PARP8: variants seen among roughly 807,000 people sequenced by gnomAD.
The protein encoded by PARP8 is protein mono-ADP-ribosyltransferase PARP8.
A neutral mutation model predicts 124.1 loss-of-function variants in PARP8; 51 were observed. The ratio of observed to expected loss-of-function variants is 0.41; its 90% CI spans 0.33 to 0.52. The LOEUF (loss-of-function observed/expected upper bound fraction) is 0.52, where lower values mean the gene tolerates loss of function less well. Ranked by LOEUF, PARP8 falls within the 20% of genes least tolerant of loss-of-function variation. The pLI is 0.21. For synonymous variants in PARP8, 391 were observed against 361.5 expected, an observed-to-expected ratio of 1.08 and a Z score of -0.93; for missense variants, 860 against 1,018.9, an observed-to-expected ratio of 0.84 and a Z score of 2.12.
chr5:50,805,737 T>A lies in PARP8; in HGVS notation c.1575+8504T>A, dbSNP rs544782730. Among the ~76,000 whole-genome samples the A allele has an allele frequency of 2.0e-5, 3 of 152,228 alleles. No homozygotes were observed. In the East Asian group the frequency reaches 5.8e-4, roughly 29 times the overall value. On this transcript the variant is annotated intron_variant, in intron 14 of 25. Transcript: ENST00000281631. ...GTCTTGTAGCCATTTAAGAACACAATCATCTGTCAGATATTTTATTTTATT... is the reference window on the plus strand; with the variant it reads ...GTCTTGTAGCCATTTAAGAACACAAACATCTGTCAGATATTTTATTTTATT...
At position 50,732,388 on chromosome 5, in the gene PARP8, T is replaced by C. The variant is rs540970137; in HGVS notation, c.147-17763T>C. Among the ~76,000 whole-genome samples the C allele has an allele frequency of 1.8e-3, 275 of 152,340 alleles. 1 individual carries two copies. The highest frequency in any genetic ancestry group is 6.8e-3 in the Middle Eastern group (2 of 294). On this transcript the variant is annotated intron_variant, in intron 2 of 25. Coordinates refer to ENST00000281631, the MANE Select transcript of PARP8 (RefSeq NM_024615.4). ...AATTTTTAAAACCAGTTTTAAGTTA[T>C]AAATGCAAACAATATTTTGTAATAT...
rs1013711402 is a variant in PARP8, at chr5:50,846,299, ATTTAGCC to A, written c.*4235_*4241del. The stretch of plus-strand genomic sequence containing the variant: ...GCACAGGATAGTATTGCAACCTGCT[ATTTAGCC>A]TTTGGTGCCTTAGAATTATTATAAA... On this transcript the variant is annotated 3_prime_UTR_variant, in exon 26 of 26. Transcript: ENST00000281631. 1.3e-5 allele frequency: 2 copies of A among 151,754 alleles called. No individual in the cohort carries two copies. The highest frequency in any genetic ancestry group is 4.8e-5 in the African/African-American group (2 of 41,394). 9.4% of individuals were successfully genotyped at this position (151,754 alleles called of 1,614,324 possible).
intron 2 of PARP8, among the ~76,000 whole-genome samples, chr5:50,702,403 C>T (rs1293041416): frequency 6.6e-6 from 1 of 152,124 alleles, no homozygotes; most frequent in Non-Finnish European, 1.5e-5. Flanking sequence ...TAGAAACTAT[C>T]ACCTTTAATC....
intron 2 of PARP8, among the ~76,000 whole-genome samples, chr5:50,708,247 C>A (rs1189364683): frequency 6.6e-6 from 1 of 151,982 alleles, no homozygotes; most frequent in Non-Finnish European, 1.5e-5. Flanking sequence ...CTTCCCAGAG[C>A]TCTCCTTTTT....
Position 50,844,480 on chromosome 5 carries a change from G to A in PARP8, c.*2412G>A, listed in dbSNP as rs543446892. 6.6e-6 allele frequency: 1 copy of A among 151,792 alleles called. No homozygotes were observed. Among genetic ancestry groups the A allele is most frequent in the Admixed American group, 6.6e-5 (1 of 15,204 alleles). The allele number at this position is 151,792 out of a possible 1,614,324, so 9.4% of individuals were successfully genotyped here. A position where few individuals can be genotyped will look rare whatever the true frequency, so the allele number is the denominator to read the frequency against. On this transcript the variant is annotated 3_prime_UTR_variant, in exon 26 of 26. Transcript: ENST00000281631. ...AAATGTGCTTCCAAAATCCAAGCAG[G>A]TCCATACAATTTAGAGATTTGAACA...
intron 2 of PARP8, among the ~76,000 whole-genome samples, chr5:50,723,737 A>G (rs936693299): frequency 6.6e-6 from 1 of 152,128 alleles, no homozygotes; most frequent in Non-Finnish European, 1.5e-5. Context: ...TTAGTAAGGA[A>G]TATTTTCAGA....
chr5:50,801,439 G>T (rs1192623715), intron 14 of PARP8, among the ~76,000 whole-genome samples: 1 of 152,108 alleles, frequency 6.6e-6, no homozygotes, highest in Non-Finnish European at 1.5e-5. Flanking sequence ...GTGATAGTTT[G>T]TGCTTTTAGA....
At chr5:50,702,971 G>A (rs1450689439) in intron 2 of PARP8, among the ~76,000 whole-genome samples, 1 of 152,146 alleles carries the variant, frequency 6.6e-6, no homozygotes, top group African/African-American at 2.4e-5. Context: ...AGCAGACAGA[G>A]AGTTGTACAA....
intron 2 of PARP8, among the ~76,000 whole-genome samples, chr5:50,669,938 C>A (rs6450308): frequency 0.022 from 3,416 of 152,266 alleles, 127 homozygotes; most frequent in African/African-American, 0.078. Flanking sequence ...AAGAGAAAGA[C>A]AATTGGTTAA....
intron 2 of PARP8, among the ~76,000 whole-genome samples, chr5:50,723,247 C>G (rs1265973871): frequency 1.3e-5 from 2 of 152,070 alleles, no homozygotes; most frequent in Non-Finnish European, 2.9e-5. Context: ...ACAAAACTCA[C>G]TCCAGAATTC....
chr5:50,761,850 A>C lies in PARP8; in HGVS notation c.375A>C (p.Glu125Asp). The change falls in exon 6 of 26, where the codon GAA becomes GAC. Residue 125 changes from glutamate to aspartate, a missense_variant. This residue lies in a region of PARP8 where 517 missense variants were observed against 544.2 expected (regional missense o/e 0.95). Transcript: ENST00000281631. ...EESRQNSTVE[E>D]DSEGDNDSEE... ...CAAGACAGAATAGTACAGTGGAGGA[A>C]GATTCTGAAGGTGACAATGATTCCG... is the stretch of plus-strand genomic sequence containing the variant. 2 of 1,603,740 alleles carry C rather than the reference A, an allele frequency of 1.2e-6. No homozygotes were observed. The highest frequency in any genetic ancestry group is 1.7e-6 in the Non-Finnish European group (2 of 1,173,104).
Position 50,845,018 on chromosome 5 carries a change from A to G in PARP8, c.*2950A>G, listed in dbSNP as rs1748512551. On this transcript the variant is annotated 3_prime_UTR_variant, in exon 26 of 26. Transcript: ENST00000281631. ...TTTTTTAATTTGAAGTTTAATTTTA[A>G]AAGTGCCACATTGTAAAAGTTACCG... is the stretch of plus-strand genomic sequence containing the variant. 1 of 151,416 alleles carries G rather than the reference A, an allele frequency of 6.6e-6. No homozygotes were observed. The highest frequency in any genetic ancestry group is 6.6e-5 in the Admixed American group (1 of 15,148). 9.4% of individuals were successfully genotyped at this position (151,416 alleles called of 1,614,324 possible). A position where few individuals can be genotyped will look rare whatever the true frequency, so the allele number is the denominator to read the frequency against.
At chr5:50,782,959 G>A (rs959563711) in intron 9 of PARP8, among the ~76,000 whole-genome samples, 2 of 152,136 alleles carry the variant, frequency 1.3e-5, no homozygotes, top group East Asian at 1.9e-4. Context: ...GGAATGACAC[G>A]GGAAAGGGAT....
At chr5:50,821,990 G>A (rs917242548) in intron 16 of PARP8, among the ~76,000 whole-genome samples, 3 of 152,144 alleles carry the variant, frequency 2.0e-5, no homozygotes, top group African/African-American at 7.2e-5. Flanking sequence ...TTTGAAGTGG[G>A]TTTTTGTATT....
In PARP8 at chr5:50,794,988, C is replaced by T. The variant is rs527304921; in HGVS notation, c.999C>T (p.Val333=). The change falls in exon 12 of 26, where the codon GTC becomes GTT. Residue 333 remains valine, a synonymous_variant. Transcript: ENST00000281631. ...SSTVKTDDVC[V]TKSHRTFGRS... is the part of the protein sequence containing the mutation. ...CAGTCAAGACTGATGATGTGTGTGT[C>T]ACAAAGTCACACAGGACCTTTGGCC... The T allele has an allele frequency of 1.9e-6, 3 of 1,614,226 alleles. No individual in the cohort carries two copies. The African/African-American group carries it at 4.0e-5, about 22-fold the overall frequency.
At chr5:50,785,049 A>G (rs756459500) in intron 9 of PARP8, among the ~76,000 whole-genome samples, 15 of 151,890 alleles carry the variant, frequency 9.9e-5, no homozygotes, top group Non-Finnish European at 2.2e-4. Context: ...AATTACATTT[A>G]TTTTAATAAT....
In PARP8 at chr5:50,720,215, C is replaced by T. The variant is rs141187027; in HGVS notation, c.147-29936C>T. On this transcript the variant is annotated intron_variant, in intron 2 of 25. Transcript: ENST00000281631. ...TTTATCACTGTCAAGATCTAACTCG[C>T]GGCAGCAGTTTGCATTCAGTGGGGA... is the stretch of plus-strand genomic sequence containing the variant. Among the ~76,000 whole-genome samples, 25 of 152,148 alleles carry T rather than the reference C, an allele frequency of 1.6e-4. No homozygotes were observed. The East Asian group carries it at 4.6e-3, about 28-fold the overall frequency.
intron 2 of PARP8, among the ~76,000 whole-genome samples, chr5:50,735,541 A>G (rs1580143180): frequency 6.6e-6 from 1 of 152,284 alleles, no homozygotes; most frequent in African/African-American, 2.4e-5. Flanking sequence ...AGGCTTATAA[A>G]CAGACTTCAG....
intron 15 of PARP8, among the ~76,000 whole-genome samples, chr5:50,818,672 C>T (rs567574364): frequency 6.6e-6 from 1 of 151,834 alleles, no homozygotes; most frequent in East Asian, 1.9e-4. Flanking sequence ...AGCCACCACA[C>T]CCAGCCTTTT....
Sources: allele counts gnomAD v4.1 joint callset (sites outside exome capture counted in the v4.1 genomes callset), GRCh38; gene constraint gnomAD v4.1.1; regional missense constraint gnomAD v4.1.1; transcripts MANE v1.5; gene names NCBI Gene and HGNC (gene_info 2026-07-23, HGNC 2026-07-21).